Variants in SLC1A7 observed in about 807,000 individuals in gnomAD.
SLC1A7 encodes excitatory amino acid transporter 5.
SLC1A7 carries 40 observed loss-of-function variants against 47.7 expected under a neutral mutation model. The observed-to-expected ratio is 0.84, with a 90% CI of 0.65 to 1.09. The LOEUF (loss-of-function observed/expected upper bound fraction) is 1.09. SLC1A7 is among the 50% of genes least tolerant of loss of function. SLC1A7 has a pLI of 0.00. For missense variants in SLC1A7, 746 were observed against 769.5 expected (o/e 0.97, Z 0.36); for synonymous variants, 323 against 325.6 (o/e 0.99, Z 0.09).
Position 53,116,398 on chromosome 1 carries a change from G to A in SLC1A7, c.216-1425C>T, listed in dbSNP as rs79604625. 8.1e-3 allele frequency among the ~76,000 whole-genome samples: 1,233 copies of A among 152,362 alleles called. 13 individuals carry two copies. The highest frequency in any genetic ancestry group is 0.023 in the South Asian group (110 of 4,834). ...TGGAAGCACCTCCAGGGTTGGGCCA[G>A]GTTCTGATTGAATGCTGGGTCCGCA... On this transcript the variant is annotated intron_variant, in intron 2 of 10. Transcript: ENST00000371494.
At chr1:53,136,535 A>T (rs1644995898) in intron 1 of SLC1A7, among the ~76,000 whole-genome samples, 1 of 83,506 alleles carries the variant, frequency 1.2e-5, no homozygotes, top group South Asian at 2.8e-4. Context: ...TATTTATATA[A>T]ACATATATAT....
At chr1:53,137,286 C>CAAAAAAAAAA (rs1645011055) in intron 1 of SLC1A7, among the ~76,000 whole-genome samples, 1 of 15,224 alleles carries the variant, frequency 6.6e-5, no homozygotes, top group Admixed American at 9.9e-4. Context: ...GACGCTATCT[C>CAAAAAAAAAA]CAAAAAAAAA....
intron 3 of SLC1A7, among the ~76,000 whole-genome samples, chr1:53,106,360 G>C: frequency 6.6e-6 from 1 of 151,910 alleles, no homozygotes; most frequent in Non-Finnish European, 1.5e-5. Flanking sequence ...GCTCACGCCT[G>C]TAATCCCAGC....
chr1:53,135,711 G>A (rs1010545296), intron 1 of SLC1A7, among the ~76,000 whole-genome samples: 1 of 151,802 alleles, frequency 6.6e-6, no homozygotes, highest in Admixed American at 6.6e-5. Context: ...CTGTTTATCT[G>A]AAACTCCAGT....
At chr1:53,103,767 A>C in intron 4 of SLC1A7, 199 bp from the exon 5 acceptor site, 1 of 531,160 alleles carries the variant, frequency 1.9e-6, no homozygotes, top group Non-Finnish European at 3.3e-6. Context: ...TTCCTCTACC[A>C]CCACACCACC....
intron 1 of SLC1A7, among the ~76,000 whole-genome samples, chr1:53,138,839 A>AGTTTTTATCTTAG (rs1255750564): frequency 6.6e-5 from 10 of 152,084 alleles, no homozygotes; most frequent in African/African-American, 2.4e-4. Context: ...TAGTTCTTCT[A>AGTTTTTATCTTAG]TTTTTAATTT....
intron 2 of SLC1A7, among the ~76,000 whole-genome samples, chr1:53,123,026 A>G (rs1327371794): frequency 6.6e-6 from 1 of 151,932 alleles, no homozygotes; most frequent in Non-Finnish European, 1.5e-5. Flanking sequence ...GGGTGCCAAG[A>G]GGGCGCTCCA....
At chr1:53,111,715 C>G (rs977059506) in intron 3 of SLC1A7, among the ~76,000 whole-genome samples, 9 of 152,138 alleles carry the variant, frequency 5.9e-5, no homozygotes, top group African/African-American at 2.2e-4. Context: ...TTTTGAGATA[C>G]CTCTAGACAC....
intron 3 of SLC1A7, among the ~76,000 whole-genome samples, chr1:53,106,208 G>A (rs1557676676): frequency 6.6e-6 from 1 of 152,038 alleles, no homozygotes; most frequent in Non-Finnish European, 1.5e-5. Flanking sequence ...TGGCCGCCTT[G>A]CAGGTGGGAC....
intron 2 of SLC1A7, among the ~76,000 whole-genome samples, chr1:53,127,043 T>TTTTTG (rs1644890697): frequency 6.9e-6 from 1 of 145,058 alleles, no homozygotes. Flanking sequence ...TAAAAGTTTT[T>TTTTTG]TTTTTTTTTT....
chr1:53,093,659 A>G, intron 5 of SLC1A7, 99 bp from the exon 6 acceptor site: 1 of 836,338 alleles, frequency 1.2e-6, no homozygotes, highest in Non-Finnish European at 1.9e-6. Flanking sequence ...TTGATGCTCC[A>G]GCACTCCCCC....
chr1:53,107,161 A>AG (rs1644652588), intron 3 of SLC1A7, among the ~76,000 whole-genome samples: 2 of 150,002 alleles, frequency 1.3e-5, no homozygotes, highest in Non-Finnish European at 3.0e-5. Context: ...ACTAAAAAAA[A>AG]AAAAAAAAAA....
chr1:53,105,836 G>T, intron 3 of SLC1A7, 62 bp from the exon 4 acceptor site: 4 of 1,415,898 alleles, frequency 2.8e-6, no homozygotes, highest in Non-Finnish European at 4.0e-6. Context: ...CCTGGGGGTT[G>T]TGGCCTTGGG....
intron 5 of SLC1A7, 106 bp from the exon 6 acceptor site, chr1:53,093,666 C>T: frequency 4.3e-6 from 3 of 701,004 alleles, no homozygotes; most frequent in South Asian, 1.8e-5. Context: ...TCCAGCACTC[C>T]CCCCACTCCC....
chr1:53,129,576 G>A (rs1037832303), intron 2 of SLC1A7, among the ~76,000 whole-genome samples: 1 of 133,808 alleles, frequency 7.5e-6, no homozygotes, highest in South Asian at 2.3e-4. Flanking sequence ...AAAAAAAAGA[G>A]CCCACAGCTG....
chr1:53,113,112 A>C (rs1644717499), intron 3 of SLC1A7, among the ~76,000 whole-genome samples: 1 of 152,186 alleles, frequency 6.6e-6, no homozygotes, highest in African/African-American at 2.4e-5. Context: ...AAACTGCAGG[A>C]GTTTGGAGTT....
chr1:53,133,633 C>T (rs927232405), intron 2 of SLC1A7, among the ~76,000 whole-genome samples: 1 of 152,138 alleles, frequency 6.6e-6, no homozygotes, highest in Non-Finnish European at 1.5e-5. Flanking sequence ...ATACTCAAGA[C>T]CTGGACAGGG....
chr1:53,135,859 A>G (rs962200980), intron 1 of SLC1A7, among the ~76,000 whole-genome samples: 2 of 151,702 alleles, frequency 1.3e-5, no homozygotes, highest in Non-Finnish European at 2.9e-5. Context: ...ACATCATCCA[A>G]GTTGAATTGT....
At chr1:53,130,876 G>C (rs1644935742) in intron 2 of SLC1A7, among the ~76,000 whole-genome samples, 1 of 152,218 alleles carries the variant, frequency 6.6e-6, no homozygotes, top group Middle Eastern at 3.4e-3. Flanking sequence ...AAGAGCTCAG[G>C]GGACAGTGTG....
Sources: gnomAD v4.1 joint callset for allele counts (sites outside exome capture counted in the v4.1 genomes callset) on GRCh38, gnomAD v4.1.1 for gene constraint, MANE v1.5 for transcripts, NCBI Gene and HGNC (gene_info 2026-07-23, HGNC 2026-07-21) for gene names.